The following THY1 variants were observed in gnomAD, a reference collection of about 807,000 sequenced individuals.
THY1 encodes the protein thy-1 membrane glycoprotein.
A neutral mutation model predicts 14.9 loss-of-function variants in THY1; 10 were observed. The observed-to-expected ratio is 0.67, with a 90% confidence interval of 0.41 to 1.14. The LOEUF (loss-of-function observed/expected upper bound fraction) is 1.14, where lower values mean the gene tolerates loss of function less well. Among genes scored for constraint, THY1 ranks in the 50% most tolerant of loss-of-function variants. The pLI, the probability that THY1 is intolerant of heterozygous loss-of-function variation, is 0.00. For synonymous variants in THY1, 80 were observed against 90.0 expected (o/e 0.89, Z 0.63); for missense variants, 159 against 202.1 (o/e 0.79, Z 1.29).
chr11:119,418,346 A>G lies in THY1; in HGVS notation c.*1062T>C, dbSNP rs1730762836. The G allele has an allele frequency of 6.6e-6, 1 of 152,406 alleles. No individual in the cohort carries two copies. The highest frequency in any genetic ancestry group is 1.5e-5 in the Non-Finnish European group (1 of 68,180). 9.4% of individuals were successfully genotyped at this position (152,406 alleles called of 1,614,324 possible). A position where few individuals can be genotyped will look rare whatever the true frequency, so the allele number is the denominator to read the frequency against. On this transcript the variant is annotated 3_prime_UTR_variant, in exon 4 of 4. Transcript: ENST00000284240. ...GTGTCCGGCTCCTGGGTCTCACTCC[A>G]TGGCTTGCCTCAGGCCCCGCAGAAG...
intron 3 of THY1, 26 bp downstream of exon 3, chr11:119,420,023 ACT>A: frequency 1.9e-6 from 3 of 1,593,972 alleles, no homozygotes; most frequent in Non-Finnish European, 2.6e-6. Flanking sequence ...CTCCCAGCTC[ACT>A]TGACCTTGTT....
At chr11:119,423,561 C>T (rs1013427810), upstream of THY1, 2 of 215,032 alleles carry the variant, frequency 9.3e-6, no homozygotes, top group Non-Finnish European at 9.4e-6. Context: ...GGATGCAGGC[C>T]GGGAGCGCCC....
intron 3 of THY1, 62 bp downstream of exon 3, chr11:119,419,989 T>A (rs575858727): frequency 1.0e-4 from 158 of 1,523,940 alleles, no homozygotes; most frequent in Non-Finnish European, 1.3e-4. Flanking sequence ...CCAAGGGAAC[T>A]GCCTGCTGTC....
At position 119,422,868 on chromosome 11, in the gene THY1, C is replaced by T. The variant is rs554244999; in HGVS notation, c.-25+245G>A. Among the ~76,000 whole-genome samples, 11 of 152,362 alleles carry T rather than the reference C, an allele frequency of 7.2e-5. No individual in the cohort carries two copies. In the South Asian group the frequency reaches 2.3e-3, roughly 32 times the overall value. ...TCTCCAGCGCCCCAGCCCCAGACAC[C>T]AGTCCCCCAGCGGGCGAAAGCCCGG... is the stretch of plus-strand genomic sequence containing the variant. On this transcript the variant is annotated intron_variant, in intron 1 of 3. Coordinates refer to ENST00000284240, the MANE Select transcript of THY1 (RefSeq NM_006288.5). This position sits in a 1 kb window ranked among gnomAD's most constrained non-coding sequence, Gnocchi z 7.0.
intron 1 of THY1, chr11:119,421,934 C>T (rs1212651974): frequency 1.3e-5 from 2 of 152,290 alleles, no homozygotes; most frequent in Non-Finnish European, 2.9e-5. Flanking sequence ...GGCTGTCTGC[C>T]TGGTCTTTTT....
rs1047292530 is a variant in THY1, at chr11:119,423,123, G to A, written c.-35C>T. ...GGCTCCAGTTCCCACCTGGACTGGG[G>A]TCTTCCGCTGCTGCAGCCTCCTCCA... On this transcript the variant is annotated 5_prime_UTR_variant, in exon 1 of 4. Transcript: ENST00000284240. The A allele has an allele frequency of 8.8e-6, 4 of 456,018 alleles. No homozygotes were observed. Among genetic ancestry groups the A allele is most frequent in the Admixed American group, 4.7e-5 (2 of 42,568 alleles). 28.2% of individuals were successfully genotyped at this position (456,018 alleles called of 1,614,324 possible).
chr11:119,416,817 C>T lies in THY1; in HGVS notation c.*2591G>A, dbSNP rs929023573. 6.6e-6 allele frequency among the ~76,000 whole-genome samples: 1 copy of T among 152,222 alleles called. No homozygotes were observed. The highest frequency in any genetic ancestry group is 2.4e-5 in the African/African-American group (1 of 41,462). ...TTCTTCTCTTCTCCTTTCCGAAGTC[C>T]GTGGCCCTCTGGTGGCCTCTGTGGC... On this transcript the variant is annotated 3_prime_UTR_variant, in exon 4 of 4. Transcript: ENST00000284240.
Position 119,422,947 on chromosome 11 carries a change from G to A in THY1, c.-25+166C>T, listed in dbSNP as rs565187261. Among the ~76,000 whole-genome samples, 10 of 152,262 alleles carry A rather than the reference G, an allele frequency of 6.6e-5. No homozygotes were observed. The South Asian group carries it at 1.9e-3, about 28-fold the overall frequency. ...GCCACGCGGCCCCTGCCCTGCAGAAGCATCCCCCTCCCGCCCCTGCCTGGA... is the reference window on the plus strand; with the variant it reads ...GCCACGCGGCCCCTGCCCTGCAGAAACATCCCCCTCCCGCCCCTGCCTGGA... On this transcript the variant is annotated intron_variant, in intron 1 of 3. Coordinates refer to ENST00000284240, the MANE Select transcript of THY1 (RefSeq NM_006288.5). The surrounding 1 kb of genome is among the most constrained non-coding windows in gnomAD (Gnocchi z 7.0).
chr11:119,420,862 C>A lies in THY1; in HGVS notation c.37+7G>T. 2 of 1,614,090 alleles carry A rather than the reference C, an allele frequency of 1.2e-6. No homozygotes were observed. The highest frequency in any genetic ancestry group is 1.7e-6 in the Non-Finnish European group (2 of 1,180,006). On this transcript the variant is annotated splice_region_variant and intron_variant, in intron 2 of 3. Transcript: ENST00000284240. ...CTGGAGCCCCAGTCCTGCCCCATGC[C>A]GGGTACCTGTTAGCAGGAGAGCGAT...
chr11:119,422,662 T>C lies in THY1; in HGVS notation c.-25+451A>G. 9.4e-6 allele frequency: 2 copies of C among 212,964 alleles called. No individual in the cohort carries two copies. The highest frequency in any genetic ancestry group is 9.5e-6 in the Non-Finnish European group (1 of 105,228). The allele number at this position is 212,964 out of a possible 1,614,324, so 13.2% of individuals were successfully genotyped here. On this transcript the variant is annotated intron_variant, in intron 1 of 3. Coordinates refer to ENST00000284240, the MANE Select transcript of THY1 (RefSeq NM_006288.5). The surrounding 1 kb of genome is among the most constrained non-coding windows in gnomAD (Gnocchi z 7.0). ...CGCCTGCGGCACTGCGGCTTCCTTC[T>C]CCTCCGGTGCCCCGCACCCAGCCCG...
chr11:119,420,877 A>T lies in THY1; in HGVS notation c.29T>A (p.Leu10Gln). MNLAISIAL[L>Q]LTVLQVSRGQ... ...TGCCCCATGCCGGGTACCTGTTAGC[A>T]GGAGAGCGATGCTGATGGCCAGGTT... is the stretch of plus-strand genomic sequence containing the variant. Residue 10 changes from leucine (L) to glutamine (Q), a missense_variant, in exon 2 of 4, where the codon CTG becomes CAG. By Grantham distance (113) the Leu-to-Gln change is moderately radical. Coordinates refer to ENST00000284240, the MANE Select transcript of THY1 (RefSeq NM_006288.5). The T allele has an allele frequency of 6.2e-7, 1 of 1,614,134 alleles. No individual in the cohort carries two copies. The highest frequency in any genetic ancestry group is 1.3e-5 in the African/African-American group (1 of 75,024).
chr11:119,421,263 T>C (rs972689959), intron 1 of THY1: 3 of 216,140 alleles, frequency 1.4e-5, no homozygotes, highest in Admixed American at 1.1e-4. Flanking sequence ...CTATGAGGGC[T>C]GAGGCTTCGT....
In THY1 at chr11:119,417,417, C is replaced by T. The variant is rs371080379; in HGVS notation, c.*1991G>A. 6.6e-6 allele frequency: 1 copy of T among 152,208 alleles called. No homozygotes were observed. Among genetic ancestry groups the T allele is most frequent in the African/African-American group, 2.4e-5 (1 of 41,460 alleles). The allele number at this position is 152,208 out of a possible 1,614,324, so 9.4% of individuals were successfully genotyped here. On this transcript the variant is annotated 3_prime_UTR_variant, in exon 4 of 4. Transcript: ENST00000284240. ...GGCCTTTAAGAAAAATGCTCAGAAACAATCATCCTACCCAGTGCTAAATAT... is the reference window on the plus strand; with the variant it reads ...GGCCTTTAAGAAAAATGCTCAGAAATAATCATCCTACCCAGTGCTAAATAT...
intron 1 of THY1, chr11:119,421,619 G>A (rs968227015): frequency 6.6e-6 from 1 of 152,220 alleles, no homozygotes; most frequent in Non-Finnish European, 1.5e-5. Flanking sequence ...ACCGGGTTAT[G>A]ATGGGGGTTA....
rs767228423 is a variant in THY1 at position 119,418,622 on chromosome 11, G to A, written c.*786C>T. ...TGTAGCCCTCTCCACTGTGGGTGGA[G>A]GCAGGGAGGGGCAGCAGGGCCATGC... is the stretch of plus-strand genomic sequence containing the variant. On this transcript the variant is annotated 3_prime_UTR_variant, in exon 4 of 4. Transcript: ENST00000284240. 6.6e-6 allele frequency: 1 copy of A among 152,666 alleles called. No homozygotes were observed. The highest frequency in any genetic ancestry group is 2.4e-5 in the African/African-American group (1 of 41,448). 9.5% of individuals were successfully genotyped at this position (152,666 alleles called of 1,614,324 possible). A position where few individuals can be genotyped will look rare whatever the true frequency, so the allele number is the denominator to read the frequency against.
chr11:119,423,354 G>A, upstream of THY1: 1 of 372,588 alleles, frequency 2.7e-6, no homozygotes, highest in South Asian at 2.0e-5. Flanking sequence ...GCGGCGGAAG[G>A]GGGCCCTCAC....
intron 1 of THY1, 145 bp from the exon 2 acceptor site, chr11:119,421,074 A>G: frequency 1.5e-6 from 1 of 651,394 alleles, no homozygotes; most frequent in Non-Finnish European, 2.6e-6. Context: ...ATCTCACTGA[A>G]CATGATACTG....
Position 119,416,042 on chromosome 11 carries a change from G to T in THY1, c.*3366C>A, listed in dbSNP as rs763695981. 2.6e-4 allele frequency among the ~76,000 whole-genome samples: 39 copies of T among 149,886 alleles called. No homozygotes were observed. The highest frequency in any genetic ancestry group is 2.1e-4 in the South Asian group (1 of 4,654). ...TCCCCGGACGCTGTGTAGATTTCTT[G>T]GTTGGCCAGTGAAAGTCCCCACATC... is the stretch of plus-strand genomic sequence containing the variant. On this transcript the variant is annotated 3_prime_UTR_variant, in exon 4 of 4. Coordinates refer to ENST00000284240, the MANE Select transcript of THY1 (RefSeq NM_006288.5).
chr11:119,415,666 G>A lies in THY1; in HGVS notation c.*3742C>T, dbSNP rs1308386522. Among the ~76,000 whole-genome samples the A allele has an allele frequency of 3.3e-5, 5 of 152,180 alleles. No individual in the cohort carries two copies. The highest frequency in any genetic ancestry group is 1.9e-4 in the East Asian group (1 of 5,180). On this transcript the variant is annotated 3_prime_UTR_variant, in exon 4 of 4. Transcript: ENST00000284240. The stretch of plus-strand genomic sequence containing the variant: ...GTCCTACCCACCCTCCATATGATGT[G>A]TCTACATCTACAGGTCCCACTGACC...
Sources: gnomAD v4.1 joint callset for allele counts (sites outside exome capture counted in the v4.1 genomes callset) on GRCh38, gnomAD v4.1.1 for gene constraint, Gnocchi (gnomAD v3.1) non-coding constraint, MANE v1.5 for transcripts, NCBI Gene and HGNC (gene_info 2026-07-23, HGNC 2026-07-21) for gene names.